ZSCAN4: variants seen among roughly 807,000 people sequenced by gnomAD.
The protein encoded by ZSCAN4 is zinc finger and SCAN domain-containing protein 4.
In ZSCAN4, 18 loss-of-function variants were observed where a neutral mutation model predicts 18.3. The observed-to-expected ratio is 0.98, with a 90% CI of 0.68 to 1.46. The LOEUF is 1.46. Among genes scored for constraint, ZSCAN4 ranks in the 40% most tolerant of loss-of-function variants. The pLI, the probability that ZSCAN4 is intolerant of heterozygous loss-of-function variation, is 0.00. For missense variants in ZSCAN4, 498 were observed against 511.4 expected, an observed-to-expected ratio of 0.97 and a Z score of 0.25; for synonymous variants, 193 against 180.3, an observed-to-expected ratio of 1.07 and a Z score of -0.57.
chr19:57,665,337 C>T (rs1197643681), upstream of ZSCAN4, among the ~76,000 whole-genome samples: 11 of 152,078 alleles, frequency 7.2e-5, no homozygotes. Context: ...TCTGGCGGTT[C>T]TTCCCATCCC....
intron 2 of ZSCAN4, among the ~76,000 whole-genome samples, chr19:57,672,268 A>T (rs904890088): frequency 6.6e-6 from 1 of 152,132 alleles, no homozygotes; most frequent in Non-Finnish European, 1.5e-5. Context: ...AATGGGAAAA[A>T]AATTCAAGCA....
At chr19:57,672,517 A>G (rs893336011) in intron 2 of ZSCAN4, among the ~76,000 whole-genome samples, 70 of 152,182 alleles carry the variant, frequency 4.6e-4, no homozygotes, top group African/African-American at 1.6e-3. Flanking sequence ...GTACAATGTG[A>G]CACTTCTCTC....
At chr19:57,674,132 A>G (rs560478947) in intron 2 of ZSCAN4, among the ~76,000 whole-genome samples, 2 of 152,362 alleles carry the variant, frequency 1.3e-5, no homozygotes, top group African/African-American at 2.4e-5. Context: ...TGGCATTGTA[A>G]TAGACATCTC....
exon 3 of ZSCAN4, chr19:57,676,141 T>C (rs775946263): frequency 6.3e-7 from 1 of 1,596,264 alleles, no homozygotes; most frequent in South Asian, 1.1e-5. Flanking sequence ...GAATTATTGC[T>C]AAGAATGGCT....
chr19:57,678,585 T>C (rs1048406760), exon 5 of ZSCAN4: 1 of 1,613,948 alleles, frequency 6.2e-7, no homozygotes, highest in Non-Finnish European at 8.5e-7. Flanking sequence ...CTGTCACTTA[T>C]TAGCTCACCA....
exon 5 of ZSCAN4, chr19:57,678,524 A>G: frequency 6.2e-7 from 1 of 1,614,158 alleles, no homozygotes; most frequent in Non-Finnish European, 8.5e-7. Context: ...GATCCCATGG[A>G]GTCCAAAAAT....
chr19:57,653,815 C>T, the ZSCAN4 span, among the ~76,000 whole-genome samples: 1 of 152,130 alleles, frequency 6.6e-6, no homozygotes, highest in African/African-American at 2.4e-5. Context: ...CCCAGGCTGC[C>T]CTCAAAACCT....
chr19:57,660,128 C>T, the ZSCAN4 span, among the ~76,000 whole-genome samples: 1 of 152,138 alleles, frequency 6.6e-6, no homozygotes, highest in Non-Finnish European at 1.5e-5. Context: ...CACCAGATGC[C>T]AAGTGAGTAA....
In ZSCAN4 at chr19:57,678,150, G is replaced by A. The variant is rs529307707; in HGVS notation, c.563-16G>A. On this transcript the variant is annotated splice_polypyrimidine_tract_variant and intron_variant, in intron 4 of 4. Coordinates refer to ENST00000318203, the Ensembl canonical transcript of ZSCAN4. ...CCCTTCTTAAGTACAACTTCATTGA[G>A]TGTCTATTTTCACAGGATATGAAGA... is the stretch of plus-strand genomic sequence containing the variant. 3.1e-6 allele frequency: 5 copies of A among 1,608,478 alleles called. No homozygotes were observed. Among genetic ancestry groups the A allele is most frequent in the Middle Eastern group, 1.7e-4 (1 of 6,034 alleles).
At chr19:57,659,571 G>T in the ZSCAN4 span, among the ~76,000 whole-genome samples, 1 of 152,062 alleles carries the variant, frequency 6.6e-6, no homozygotes, top group Non-Finnish European at 1.5e-5. Flanking sequence ...TCAATAAATA[G>T]TTTTTGAAAC....
upstream of ZSCAN4, among the ~76,000 whole-genome samples, chr19:57,664,028 G>A (rs1029666092): frequency 6.6e-6 from 1 of 152,206 alleles, no homozygotes; most frequent in African/African-American, 2.4e-5. Context: ...CTACTCAGGA[G>A]GCTGAGGCAG....
exon 3 of ZSCAN4, chr19:57,676,341 T>C: frequency 6.2e-7 from 1 of 1,614,206 alleles, no homozygotes. Flanking sequence ...GCAAAGACTT[T>C]ATAGGATCTT....
chr19:57,678,917 G>T, exon 5 of ZSCAN4: 1 of 1,568,686 alleles, frequency 6.4e-7, no homozygotes, highest in South Asian at 1.2e-5. Flanking sequence ...CTGCTGGTCT[G>T]ATAATGTGTA....
At chr19:57,657,119 G>A in the ZSCAN4 span, among the ~76,000 whole-genome samples, 1 of 152,054 alleles carries the variant, frequency 6.6e-6, no homozygotes, top group South Asian at 2.1e-4. Context: ...GTCCAGGAGT[G>A]GTGGCAGGCA....
upstream of ZSCAN4, among the ~76,000 whole-genome samples, chr19:57,666,897 T>TTTATTATTA (rs138146671): frequency 0.01 from 1,545 of 151,178 alleles, 8 homozygotes; most frequent in African/African-American, 0.022. Flanking sequence ...CTACCAGGTT[T>TTTATTATTA]TTATTATTAT....
the ZSCAN4 span, among the ~76,000 whole-genome samples, chr19:57,660,828 A>G: frequency 6.6e-6 from 1 of 152,096 alleles, no homozygotes; most frequent in African/African-American, 2.4e-5. Flanking sequence ...AAAAGTGTTG[A>G]CTAGAGGCTG....
rs533063963 is a variant in ZSCAN4 at position 57,675,171 on chromosome 19, G to A, written c.-105-870G>A. 5.8e-3 allele frequency among the ~76,000 whole-genome samples: 780 copies of A among 134,540 alleles called. 12 individuals are homozygous for A. Among genetic ancestry groups the A allele is most frequent in the African/African-American group, 0.02 (705 of 35,848 alleles). The allele number at this position is 134,540 out of a possible 152,430, so 88.3% of individuals were successfully genotyped here. ...TTTTTTTTTTTTTTTTTTTTGAGAC[G>A]GAGTCTTGCTCTGTCAGCCAGGCTG... is the stretch of plus-strand genomic sequence containing the variant. On this transcript the variant is annotated intron_variant, in intron 2 of 4. Transcript: ENST00000318203.
At chr19:57,668,907 T>A (rs2360533), upstream of ZSCAN4, 82,881 of 151,868 alleles carry the variant, frequency 0.55, 22,880 homozygotes, top group Middle Eastern at 0.61. Flanking sequence ...GGCACAGGAG[T>A]CACAGCATTA....
chr19:57,673,502 C>T (rs1984085561), intron 2 of ZSCAN4, among the ~76,000 whole-genome samples: 2 of 151,962 alleles, frequency 1.3e-5, no homozygotes, highest in Admixed American at 1.3e-4. Context: ...GAGTGTGGTG[C>T]GTGCCTGTAG....
Sources: allele counts gnomAD v4.1 joint callset (sites outside exome capture counted in the v4.1 genomes callset), GRCh38; gene constraint gnomAD v4.1.1; transcripts MANE v1.5; gene names NCBI Gene and HGNC (gene_info 2026-07-23, HGNC 2026-07-21).